The following WDFY3 variants were observed in gnomAD, a reference collection of about 807,000 sequenced individuals.
WDFY3 encodes the protein WD repeat and FYVE domain-containing protein 3.
In WDFY3, 66 loss-of-function variants were observed where a neutral mutation model predicts 409.6. The ratio of observed to expected loss-of-function variants is 0.16; its 90% CI spans 0.13 to 0.20. The LOEUF (loss-of-function observed/expected upper bound fraction) is 0.20, where lower values mean the gene tolerates loss of function less well. Ranked by LOEUF, WDFY3 falls within the 10% of genes least tolerant of loss-of-function variation. The pLI is 1.00. For synonymous variants in WDFY3, 1,521 were observed against 1,537.1 expected (o/e 0.99, Z 0.25); for missense variants, 3,031 against 4,298.1 (o/e 0.71, Z 8.24).
At chr4:84,817,367 AG>A (rs1753450046) in intron 13 of WDFY3, 24 bp downstream of exon 13, 1 of 1,611,904 alleles carries the variant, frequency 6.2e-7, no homozygotes, top group Non-Finnish European at 8.5e-7. Flanking sequence ...TAGTAAAAGA[AG>A]GGAAACACAT....
At position 84,877,053 on chromosome 4, in the gene WDFY3, T is replaced by C. The variant is rs150417814; in HGVS notation, c.-31-16431A>G. 4.6e-5 allele frequency among the ~76,000 whole-genome samples: 7 copies of C among 152,310 alleles called. 1 individual carries two copies. Among genetic ancestry groups the C allele is most frequent in the East Asian group, 3.9e-4 (2 of 5,186 alleles). On this transcript the variant is annotated intron_variant, in intron 3 of 67. Coordinates refer to ENST00000295888, the MANE Select transcript of WDFY3 (RefSeq NM_014991.6). ...CTTTAACATATAGCTAAGTATCTGG[T>C]ACATAGCAGAACTGAAGGAATATAT...
At chr4:84,891,722 G>C (rs1467832621) in intron 3 of WDFY3, among the ~76,000 whole-genome samples, 1 of 152,084 alleles carries the variant, frequency 6.6e-6, no homozygotes, top group Non-Finnish European at 1.5e-5. Flanking sequence ...TTAGATTACA[G>C]AATGAAAAAG....
chr4:84,783,876 C>CACAG (rs1747008360), intron 24 of WDFY3, among the ~76,000 whole-genome samples: 1 of 151,786 alleles, frequency 6.6e-6, no homozygotes, highest in Admixed American at 6.6e-5. Flanking sequence ...CACACACACA[C>CACAG]ACACACACAC....
intron 32 of WDFY3, among the ~76,000 whole-genome samples, chr4:84,763,147 A>G (rs914045442): frequency 1.3e-5 from 2 of 152,198 alleles, no homozygotes; most frequent in Non-Finnish European, 2.9e-5. Flanking sequence ...TATCACGATT[A>G]AGCATTAATT....
intron 19 of WDFY3, 39 bp from the exon 20 acceptor site, chr4:84,795,018 G>A (rs750015050): frequency 3.5e-6 from 5 of 1,425,290 alleles, no homozygotes; most frequent in Admixed American, 2.6e-5. Flanking sequence ...AGAGATCAAT[G>A]ACTCCTTCTC....
rs1185410199 is a variant in WDFY3, at chr4:84,850,953, TTTTTTTTTTTTTTTTTG to T, written c.181-945_181-929del. 8.2e-3 allele frequency among the ~76,000 whole-genome samples: 716 copies of T among 87,602 alleles called. 9 individuals are homozygous for T. Among genetic ancestry groups the T allele is most frequent in the African/African-American group, 0.024 (665 of 27,144 alleles). The allele number at this position is 87,602 out of a possible 152,430, so 57.5% of individuals were successfully genotyped here. Reference sequence around the variant, plus strand: ...GTTTTTTTTTTTTTTTTTTTTTTTTTTTTTTTTTTTTTTTTTGAGAACTGGTTCTTGCTATATTGCCC... The same window carrying T: ...GTTTTTTTTTTTTTTTTTTTTTTTTTAGAACTGGTTCTTGCTATATTGCCC... On this transcript the variant is annotated intron_variant, in intron 4 of 67. Coordinates refer to ENST00000295888, the MANE Select transcript of WDFY3 (RefSeq NM_014991.6).
Position 84,821,405 on chromosome 4 carries a change from G to A in WDFY3, c.1270C>T (p.Gln424Ter). The stretch of plus-strand genomic sequence containing the variant: ...TCTGCAAACTGTGACAATGTGTGCT[G>A]TGACTCTAGGATGAAGTAATTGGCA... ...DNANYFILES[Q>*]HTLSQFAEKI... Residue 424 changes from glutamine (Q) to a stop codon, truncating the protein, a stop_gained, in exon 11 of 68, where the codon CAG (glutamine) becomes TAG (stop). Coordinates refer to ENST00000295888, the MANE Select transcript of WDFY3 (RefSeq NM_014991.6). LOFTEE classifies it high-confidence loss of function. 1 of 1,613,930 alleles carries A rather than the reference G, an allele frequency of 6.2e-7. No homozygotes were observed. The highest frequency in any genetic ancestry group is 8.5e-7 in the Non-Finnish European group (1 of 1,179,884).
chr4:84,869,932 G>T (rs1761928479), intron 3 of WDFY3, among the ~76,000 whole-genome samples: 1 of 152,072 alleles, frequency 6.6e-6, no homozygotes, highest in Non-Finnish European at 1.5e-5. Flanking sequence ...AAACTAATAG[G>T]ATTTCTCTTC....
intron 45 of WDFY3, 131 bp from the exon 46 acceptor site, chr4:84,724,725 A>T: frequency 2.3e-6 from 2 of 869,406 alleles, no homozygotes; most frequent in Non-Finnish European, 3.2e-6. Context: ...GTATGTATAT[A>T]CAGTAAATCC....
intron 3 of WDFY3, among the ~76,000 whole-genome samples, chr4:84,883,751 T>G (rs1350481538): frequency 6.6e-6 from 1 of 152,166 alleles, no homozygotes; most frequent in Admixed American, 6.5e-5. Flanking sequence ...AATCTTCTAG[T>G]TGAAATATTT....
intron 3 of WDFY3, among the ~76,000 whole-genome samples, chr4:84,876,364 T>G (rs545112125): frequency 4.6e-5 from 7 of 152,334 alleles, no homozygotes; most frequent in African/African-American, 1.7e-4. Context: ...ATTAATTGTA[T>G]TACTAACTAT....
intron 46 of WDFY3, among the ~76,000 whole-genome samples, chr4:84,724,146 A>T (rs1039802319): frequency 1.3e-5 from 2 of 152,244 alleles, no homozygotes; most frequent in Non-Finnish European, 2.9e-5. Flanking sequence ...TATGTGTATT[A>T]AAAAAACTAA....
intron 3 of WDFY3, among the ~76,000 whole-genome samples, chr4:84,870,184 T>C (rs1282793320): frequency 6.6e-6 from 1 of 152,188 alleles, no homozygotes; most frequent in Non-Finnish European, 1.5e-5. Context: ...CATGTACTAA[T>C]ATGAAAAGAA....
intron 6 of WDFY3, among the ~76,000 whole-genome samples, chr4:84,838,495 G>T (rs1222366898): frequency 1.3e-5 from 2 of 152,130 alleles, no homozygotes; most frequent in East Asian, 3.8e-4. Context: ...TTAGCTGGTG[G>T]TAATACAGAT....
chr4:84,943,347 C>CA (rs1772385071), intron 1 of WDFY3, among the ~76,000 whole-genome samples: 1 of 151,686 alleles, frequency 6.6e-6, no homozygotes, highest in Non-Finnish European at 1.5e-5. Flanking sequence ...ACTAAGAATA[C>CA]AAAAAAACTA....
At chr4:84,728,745 T>C (rs1234246799) in intron 44 of WDFY3, among the ~76,000 whole-genome samples, 1 of 152,142 alleles carries the variant, frequency 6.6e-6, no homozygotes, top group Non-Finnish European at 1.5e-5. Flanking sequence ...CACTGATTGA[T>C]TAACCGGTTC....
chr4:84,678,108 G>T, intron 66 of WDFY3, 60 bp downstream of exon 66: 1 of 1,255,236 alleles, frequency 8.0e-7, no homozygotes, highest in Non-Finnish European at 1.2e-6. Flanking sequence ...GGAGTATGTG[G>T]CCCTTGGCTA....
chr4:84,715,272 T>G (rs370060037), intron 50 of WDFY3, 26 bp downstream of exon 50: 1 of 1,408,026 alleles, frequency 7.1e-7, no homozygotes, highest in African/African-American at 1.4e-5. Context: ...CATAATAGTA[T>G]ACAAAGTGTT....
At chr4:84,861,862 A>C (rs1760688539) in intron 3 of WDFY3, among the ~76,000 whole-genome samples, 1 of 152,234 alleles carries the variant, frequency 6.6e-6, no homozygotes, top group Non-Finnish European at 1.5e-5. Flanking sequence ...GCAATTGGCT[A>C]AGTGTAGACA....
Sources: allele counts gnomAD v4.1 joint callset (sites outside exome capture counted in the v4.1 genomes callset), GRCh38; gene constraint gnomAD v4.1.1; transcripts MANE v1.5; gene names NCBI Gene and HGNC (gene_info 2026-07-23, HGNC 2026-07-21).